The following SYT6 variants were observed in gnomAD, a reference collection of about 807,000 sequenced individuals.
SYT6 encodes the protein synaptotagmin 6, also known as synaptotagmin-6.
Under a neutral mutation model 38.4 loss-of-function variants are expected in SYT6, and 24 were observed. The observed-to-expected ratio is 0.62, with a 90% CI of 0.45 to 0.88. The LOEUF (loss-of-function observed/expected upper bound fraction) is 0.88. Among genes scored for constraint, SYT6 ranks in the 40% least tolerant of loss-of-function variants. The pLI is 0.00. For synonymous variants in SYT6, 265 were observed against 241.9 expected, an observed-to-expected ratio of 1.10 and a Z score of -0.89; for missense variants, 611 against 621.0, an observed-to-expected ratio of 0.98 and a Z score of 0.17.
intron 3 of SYT6, among the ~76,000 whole-genome samples, chr1:114,127,705 C>T (rs1677825487): frequency 6.6e-6 from 1 of 152,228 alleles, no homozygotes; most frequent in Admixed American, 6.5e-5. Flanking sequence ...TCTTCACCTC[C>T]TCCCCTCTTT....
At chr1:114,109,044 G>A (rs6699812) in intron 3 of SYT6, among the ~76,000 whole-genome samples, 47,566 of 152,016 alleles carry the variant, frequency 0.31, 9,615 homozygotes, top group East Asian at 0.57. Context: ...GTAGAAGCCA[G>A]TTGGACTCCA....
chr1:114,099,376 G>T, intron 4 of SYT6, 111 bp from the exon 5 acceptor site: 1 of 1,072,376 alleles, frequency 9.3e-7, no homozygotes, highest in Non-Finnish European at 1.3e-6. Flanking sequence ...CTCATCAGAT[G>T]GTATCAGTGG....
Position 114,139,812 on chromosome 1 carries a change from G to A in SYT6, c.315C>T (p.Ala105=), listed in dbSNP as rs1257192620. Residue 105 remains alanine, a synonymous_variant, in exon 2 of 8, where the codon GCC becomes GCT. Coordinates refer to ENST00000610222, the MANE Select transcript of SYT6 (RefSeq NM_001253772.2). Reference sequence around the variant, plus strand: ...TGCCTCTGAAGCTGGGGCTCTGGAGGGCTTCCAAGGGGGGATTAGCAGAAG... The same window carrying A: ...TGCCTCTGAAGCTGGGGCTCTGGAGAGCTTCCAAGGGGGGATTAGCAGAAG... ...SPSSANPPLE[A]LQSPSFRGNM... is the part of the protein sequence containing the mutation. 8 of 1,605,754 alleles carry A rather than the reference G, an allele frequency of 5.0e-6. No individual in the cohort carries two copies. In the South Asian group the frequency reaches 5.6e-5, roughly 11 times the overall value.
chr1:114,106,692 A>C (rs1268288855), intron 3 of SYT6, among the ~76,000 whole-genome samples: 3 of 151,658 alleles, frequency 2.0e-5, no homozygotes, highest in African/African-American at 7.3e-5. Flanking sequence ...GGATACTCCT[A>C]TACCTACATC....
rs757210633 is a variant in SYT6, at chr1:114,093,810, A to G, written c.1516-7T>C. ...ATCACAACCGAGGGTTTCCCTGGTG[A>G]AATATTTTAGATAAATAAATGCCTG... is the stretch of plus-strand genomic sequence containing the variant. On this transcript the variant is annotated splice_polypyrimidine_tract_variant and splice_region_variant and intron_variant, in intron 6 of 7. Transcript: ENST00000610222. 1.5e-5 allele frequency: 24 copies of G among 1,614,106 alleles called. No individual in the cohort carries two copies. The South Asian group carries it at 2.6e-4, about 18-fold the overall frequency.
rs575387654 is a variant in SYT6, at chr1:114,116,361, C to T, written c.1072-12640G>A. 2.6e-5 allele frequency among the ~76,000 whole-genome samples: 4 copies of T among 152,308 alleles called. No individual in the cohort carries two copies. In the South Asian group the frequency reaches 6.2e-4, roughly 24 times the overall value. ...CCAACGCGGCAGTTCAGTGGAAGAA[C>T]CCCGGGCCCTCTCTGCACAGATCTT... On this transcript the variant is annotated intron_variant, in intron 3 of 7. Coordinates refer to ENST00000610222, the MANE Select transcript of SYT6 (RefSeq NM_001253772.2).
chr1:114,116,707 C>T (rs950811676), intron 3 of SYT6, among the ~76,000 whole-genome samples: 2 of 152,176 alleles, frequency 1.3e-5, no homozygotes, highest in African/African-American at 4.8e-5. Context: ...CCAACTTACC[C>T]AGTCCCAGCT....
chr1:114,152,931 G>C (rs1245457502), intron 1 of SYT6: 1 of 152,316 alleles, frequency 6.6e-6, no homozygotes, highest in African/African-American at 2.4e-5. Flanking sequence ...CCGAGTCCGA[G>C]AGGGACGGAG....
At chr1:114,108,515 G>A (rs373106160) in intron 3 of SYT6, among the ~76,000 whole-genome samples, 9 of 152,158 alleles carry the variant, frequency 5.9e-5, no homozygotes, top group African/African-American at 1.7e-4. Flanking sequence ...ATAAAATGAA[G>A]GGGTTGTTCT....
chr1:114,143,671 A>G (rs1678998329), intron 1 of SYT6, among the ~76,000 whole-genome samples: 1 of 151,944 alleles, frequency 6.6e-6, no homozygotes, highest in South Asian at 2.1e-4. Context: ...CTGTAACTGA[A>G]CCTACAATAT....
At chr1:114,115,422 C>CTT (rs34938214) in intron 3 of SYT6, among the ~76,000 whole-genome samples, 20 of 141,868 alleles carry the variant, frequency 1.4e-4, no homozygotes, top group East Asian at 4.1e-4. Flanking sequence ...GTACTTAACA[C>CTT]TTTTTTTTTT....
At position 114,138,000 on chromosome 1, in the gene SYT6, T is replaced by C. The variant is rs184423647; in HGVS notation, c.566A>G (p.Asp189Gly). 2 of 1,613,850 alleles carry C rather than the reference T, an allele frequency of 1.2e-6. No homozygotes were observed. Among genetic ancestry groups the C allele is most frequent in the African/African-American group, 2.7e-5 (2 of 74,906 alleles). ...LPRQMHVSSV[D>G]YGNELPPAAE... ...TGCTGGTGGAAGCTCATTGCCATAG[T>C]CTACACTGGAGACATGCATCTGCCT... The change falls in exon 3 of 8, where the codon GAC (aspartate) becomes GGC (glycine). Residue 189 changes from aspartate (D) to glycine (G), a missense_variant. Asp to Gly is a moderately conservative substitution (Grantham distance 94). Transcript: ENST00000610222.
At chr1:114,138,599 C>T (rs535958600) in intron 2 of SYT6, among the ~76,000 whole-genome samples, 2 of 152,308 alleles carry the variant, frequency 1.3e-5, no homozygotes, top group South Asian at 4.1e-4. Context: ...AGTTATTTAA[C>T]CTCTCTGTGC....
At chr1:114,122,435 A>G (rs1677459659) in intron 3 of SYT6, among the ~76,000 whole-genome samples, 1 of 151,968 alleles carries the variant, frequency 6.6e-6, no homozygotes, top group Admixed American at 6.5e-5. Flanking sequence ...AACAGGAATG[A>G]GCACTTTGCT....
intron 5 of SYT6, 102 bp from the exon 6 acceptor site, chr1:114,097,979 CAGAA>C: frequency 7.4e-7 from 1 of 1,347,526 alleles, no homozygotes; most frequent in Non-Finnish European, 1.0e-6. Context: ...GGGTCTAACT[CAGAA>C]CTCTGAGCTC....
intron 6 of SYT6, among the ~76,000 whole-genome samples, chr1:114,095,082 A>G (rs779069034): frequency 4.6e-5 from 7 of 152,228 alleles, no homozygotes; most frequent in Admixed American, 4.6e-4. Flanking sequence ...CTTGATATAG[A>G]GAATGATCAG....
chr1:114,103,814 G>A lies in SYT6; in HGVS notation c.1072-93C>T. 4 of 1,493,536 alleles carry A rather than the reference G, an allele frequency of 2.7e-6. No individual in the cohort carries two copies. The South Asian group carries it at 5.2e-5, about 19-fold the overall frequency. The allele number at this position is 1,493,536 out of a possible 1,614,324, so 92.5% of individuals were successfully genotyped here. ...ATCTGCTGGGGCGCTCTGGGGTCAGGAGGAGGCTCTTGGAGACACTGTGCT... is the reference window on the plus strand; with the variant it reads ...ATCTGCTGGGGCGCTCTGGGGTCAGAAGGAGGCTCTTGGAGACACTGTGCT... On this transcript the variant is annotated intron_variant, in intron 3 of 7. Coordinates refer to ENST00000610222, the MANE Select transcript of SYT6 (RefSeq NM_001253772.2).
At chr1:114,115,577 G>A (rs565967437) in intron 3 of SYT6, among the ~76,000 whole-genome samples, 16 of 151,896 alleles carry the variant, frequency 1.1e-4, no homozygotes, top group African/African-American at 3.4e-4. Context: ...CCACCATGCC[G>A]GGCTGATTTT....
chr1:114,092,336 CTCTGTG>C (rs754744895), intron 7 of SYT6, among the ~76,000 whole-genome samples: 30 of 130,008 alleles, frequency 2.3e-4, no homozygotes, highest in African/African-American at 5.9e-4. Context: ...CTCTCTCTCT[CTCTGTG>C]TGTGTGTGTG....
Sources: gnomAD v4.1 joint callset for allele counts (sites outside exome capture counted in the v4.1 genomes callset) on GRCh38, gnomAD v4.1.1 for gene constraint, MANE v1.5 for transcripts, NCBI Gene and HGNC (gene_info 2026-07-23, HGNC 2026-07-21) for gene names.